Variants in ZNF609 observed in about 807,000 individuals in gnomAD.
ZNF609 encodes the protein zinc finger protein 609.
In ZNF609, 11 loss-of-function variants were observed where a neutral mutation model predicts 109.5. That is an observed-to-expected ratio of 0.10 (90% CI 0.06 to 0.17). The LOEUF is 0.17. Among genes scored for constraint, ZNF609 ranks in the 10% least tolerant of loss-of-function variants. The probability of loss-of-function intolerance (pLI) is 1.00; values close to 1 mark genes in which losing one functional copy is unlikely to be tolerated. For missense variants in ZNF609, 1,559 were observed against 1,772.4 expected, an observed-to-expected ratio of 0.88 and a Z score of 2.16; for synonymous variants, 646 against 662.0, an observed-to-expected ratio of 0.98 and a Z score of 0.37.
intron 2 of ZNF609, among the ~76,000 whole-genome samples, chr15:64,556,339 C>G (rs1894586862): frequency 6.6e-6 from 1 of 151,978 alleles, no homozygotes; most frequent in African/African-American, 2.4e-5. Context: ...GGCAATGTTG[C>G]CCAGGCTGGT....
chr15:64,642,335 C>T (rs1212191399), intron 3 of ZNF609, among the ~76,000 whole-genome samples: 2 of 152,060 alleles, frequency 1.3e-5, no homozygotes, highest in South Asian at 2.1e-4. Flanking sequence ...AGGCGTGTAC[C>T]ACCATGTCTG....
intron 2 of ZNF609, among the ~76,000 whole-genome samples, chr15:64,609,130 T>TTCTTTCTTTCTTTC (rs750700444): frequency 0.097 from 8,095 of 83,702 alleles, 517 homozygotes; most frequent in East Asian, 0.15. Context: ...CTTTCTTTCT[T>TTCTTTCTTTCTTTC]TTTTTCTTTC....
At chr15:64,658,034 G>T (rs1042925037) in intron 3 of ZNF609, among the ~76,000 whole-genome samples, 2 of 152,160 alleles carry the variant, frequency 1.3e-5, no homozygotes, top group South Asian at 4.1e-4. Context: ...ACTGGTAGAA[G>T]TGGCTTGATC....
rs142183986 is a variant in ZNF609 at position 64,499,730 on chromosome 15, C to T, written c.311C>T (p.Pro104Leu). The change falls in exon 2 of 10, where the codon CCA (proline) becomes CTA (leucine). Residue 104 changes from proline (P) to leucine (L), a missense_variant. Pro to Leu is a moderately conservative substitution (Grantham distance 98). Coordinates refer to ENST00000326648, the MANE Select transcript of ZNF609 (RefSeq NM_015042.2). ...KSGKDTSKPTPGTSLFTPSEG... is the reference protein window; with the variant it reads ...KSGKDTSKPTLGTSLFTPSEG... The stretch of plus-strand genomic sequence containing the variant: ...GGCAAAGACACTAGCAAACCCACTC[C>T]AGGGACTTCCCTGTTCACTCCAAGT... 5.6e-6 allele frequency: 9 copies of T among 1,614,098 alleles called. 1 individual carries two copies. The Admixed American group carries it at 1.5e-4, about 27-fold the overall frequency.
At chr15:64,575,541 T>C (rs1894937175) in intron 2 of ZNF609, among the ~76,000 whole-genome samples, 1 of 152,188 alleles carries the variant, frequency 6.6e-6, no homozygotes, top group Admixed American at 6.5e-5. Context: ...ATAACAACCA[T>C]GGAGGAACTT....
intron 2 of ZNF609, among the ~76,000 whole-genome samples, chr15:64,575,595 C>G (rs903706019): frequency 6.6e-6 from 1 of 151,280 alleles, no homozygotes; most frequent in African/African-American, 2.4e-5. Context: ...CTCTTAATAC[C>G]GAATTCTCTT....
chr15:64,484,050 C>T (rs1893295759), intron 1 of ZNF609, among the ~76,000 whole-genome samples: 2 of 128,800 alleles, frequency 1.6e-5, no homozygotes, highest in South Asian at 2.3e-4. Flanking sequence ...AGTTTCTTTC[C>T]TTTTTTTTTT....
intron 3 of ZNF609, among the ~76,000 whole-genome samples, chr15:64,638,579 T>C (rs551206917): frequency 2.0e-5 from 3 of 152,088 alleles, no homozygotes; most frequent in Admixed American, 1.3e-4. Flanking sequence ...GTCACTGATA[T>C]CATTTAGGGA....
intron 2 of ZNF609, among the ~76,000 whole-genome samples, chr15:64,542,647 C>A (rs1296139516): frequency 1.3e-5 from 2 of 152,226 alleles, no homozygotes; most frequent in African/African-American, 4.8e-5. Context: ...GCACCAACCA[C>A]TCAAATGCTG....
At chr15:64,668,792 A>T (rs544815587) in intron 3 of ZNF609, among the ~76,000 whole-genome samples, 56 of 152,074 alleles carry the variant, frequency 3.7e-4, no homozygotes, top group Non-Finnish European at 6.6e-4. Flanking sequence ...TGTCTCTACT[A>T]AAAATACAAA....
intron 2 of ZNF609, among the ~76,000 whole-genome samples, chr15:64,612,233 C>T (rs1316508716): frequency 2.6e-5 from 4 of 151,022 alleles, no homozygotes; most frequent in South Asian, 2.1e-4. Flanking sequence ...CTGCAAGCTC[C>T]GCCTCCCAGG....
chr15:64,642,446 A>T (rs1327015273), intron 3 of ZNF609, among the ~76,000 whole-genome samples: 1 of 152,080 alleles, frequency 6.6e-6, no homozygotes, highest in Non-Finnish European at 1.5e-5. Context: ...TGGTCTCCCA[A>T]AGTGCTGAGA....
intron 3 of ZNF609, among the ~76,000 whole-genome samples, chr15:64,644,447 C>G (rs981155011): frequency 6.6e-6 from 1 of 152,192 alleles, no homozygotes; most frequent in Non-Finnish European, 1.5e-5. Flanking sequence ...ATGATCACAT[C>G]ACTGCACTCC....
intron 3 of ZNF609, among the ~76,000 whole-genome samples, chr15:64,637,139 T>C (rs907615604): frequency 1.3e-5 from 2 of 152,228 alleles, no homozygotes; most frequent in Non-Finnish European, 2.9e-5. Context: ...TTGAACTTCA[T>C]GTAAATAGAA....
chr15:64,559,440 G>T (rs904523248), intron 2 of ZNF609, among the ~76,000 whole-genome samples: 1 of 152,196 alleles, frequency 6.6e-6, no homozygotes, highest in East Asian at 1.9e-4. Flanking sequence ...GTAGCAAGGA[G>T]ACCATTGGTA....
intron 3 of ZNF609, among the ~76,000 whole-genome samples, chr15:64,642,448 G>C (rs1276786233): frequency 6.6e-6 from 1 of 152,032 alleles, no homozygotes; most frequent in Non-Finnish European, 1.5e-5. Flanking sequence ...GTCTCCCAAA[G>C]TGCTGAGATT....
chr15:64,460,027 A>G (rs533710739), upstream of ZNF609, among the ~76,000 whole-genome samples: 3 of 152,322 alleles, frequency 2.0e-5, no homozygotes, highest in South Asian at 6.2e-4. Flanking sequence ...TTTGGGGAGA[A>G]AAGCAAGTGG....
chr15:64,529,314 A>C, intron 2 of ZNF609: 1 of 719,756 alleles, frequency 1.4e-6, no homozygotes, highest in Non-Finnish European at 2.6e-6. Flanking sequence ...AGAGATGTTG[A>C]CCCTTTTGGC....
At chr15:64,481,137 A>G (rs1425271130) in intron 1 of ZNF609, among the ~76,000 whole-genome samples, 1 of 152,148 alleles carries the variant, frequency 6.6e-6, no homozygotes, top group African/African-American at 2.4e-5. Flanking sequence ...TCATGTATAT[A>G]TTAGGGTGAG....
Sources: gnomAD v4.1 joint callset for allele counts (sites outside exome capture counted in the v4.1 genomes callset) on GRCh38, gnomAD v4.1.1 for gene constraint, MANE v1.5 for transcripts, NCBI Gene and HGNC (gene_info 2026-07-23, HGNC 2026-07-21) for gene names.